Variants in AUTS2 observed in about 807,000 individuals in gnomAD.
The protein encoded by AUTS2 is activator of transcription and developmental regulator AUTS2, also known as autism susceptibility gene 2 protein.
AUTS2 carries 17 observed loss-of-function variants against 112.4 expected under a neutral mutation model. That is an observed-to-expected ratio of 0.15 (90% CI 0.10 to 0.23). The LOEUF (loss-of-function observed/expected upper bound fraction) is 0.23. Ranked by LOEUF, AUTS2 falls within the 10% of genes least tolerant of loss-of-function variation. The probability of loss-of-function intolerance (pLI) is 1.00; values close to 1 mark genes in which losing one functional copy is unlikely to be tolerated. For synonymous variants in AUTS2, 751 were observed against 702.7 expected (o/e 1.07, Z -1.09); for missense variants, 1,510 against 1,701.6 (o/e 0.89, Z 1.98).
chr7:69,928,654 A>G (rs1796117828), intron 2 of AUTS2, among the ~76,000 whole-genome samples: 1 of 152,138 alleles, frequency 6.6e-6, no homozygotes, highest in Non-Finnish European at 1.5e-5. Flanking sequence ...TGCATTAGGC[A>G]CCGAGAGAGC....
At chr7:70,658,702 G>C (rs1186638054) in intron 5 of AUTS2, among the ~76,000 whole-genome samples, 2 of 152,184 alleles carry the variant, frequency 1.3e-5, no homozygotes, top group Admixed American at 1.3e-4. Flanking sequence ...TTTCTCTACA[G>C]TTTAGTACGG....
intron 1 of AUTS2, among the ~76,000 whole-genome samples, chr7:69,687,938 T>A (rs948279468): frequency 6.6e-6 from 1 of 152,212 alleles, no homozygotes; most frequent in Admixed American, 6.5e-5. Context: ...GGACTATTTA[T>A]GTGTCAAATT....
At chr7:70,400,536 G>A (rs143016248) in intron 4 of AUTS2, among the ~76,000 whole-genome samples, 81 of 152,294 alleles carry the variant, frequency 5.3e-4, no homozygotes, top group Non-Finnish European at 9.1e-4. Flanking sequence ...GAAGATGTGA[G>A]CAGTCAGGAT....
chr7:70,262,640 A>G (rs913656011), intron 4 of AUTS2, among the ~76,000 whole-genome samples: 6 of 152,250 alleles, frequency 3.9e-5, no homozygotes, highest in African/African-American at 7.2e-5. Flanking sequence ...AATGGTAGCA[A>G]TACAATTTAT....
chr7:70,004,723 A>G (rs1475213050), intron 2 of AUTS2, among the ~76,000 whole-genome samples: 1 of 151,814 alleles, frequency 6.6e-6, no homozygotes, highest in Non-Finnish European at 1.5e-5. Flanking sequence ...GGGAAAAAAA[A>G]TTACTTCATT....
At chr7:70,027,610 T>C (rs1303084331) in intron 2 of AUTS2, among the ~76,000 whole-genome samples, 1 of 152,194 alleles carries the variant, frequency 6.6e-6, no homozygotes, top group African/African-American at 2.4e-5. Flanking sequence ...TCAAAAACAT[T>C]GTACTGGTTT....
intron 1 of AUTS2, among the ~76,000 whole-genome samples, chr7:69,709,775 G>A (rs1198286475): frequency 6.6e-6 from 1 of 152,186 alleles, no homozygotes; most frequent in Non-Finnish European, 1.5e-5. Context: ...TATGGGAGGA[G>A]TGTGGAGGAG....
chr7:70,226,214 G>A (rs1811755191), intron 4 of AUTS2, among the ~76,000 whole-genome samples: 2 of 152,040 alleles, frequency 1.3e-5, no homozygotes, highest in African/African-American at 4.8e-5. Context: ...TTGAGAGGGA[G>A]TCTCACTCTG....
intron 5 of AUTS2, among the ~76,000 whole-genome samples, chr7:70,511,918 A>G (rs71549355): frequency 0.056 from 8,530 of 152,106 alleles, 292 homozygotes; most frequent in Middle Eastern, 0.13. Context: ...TTCACTCTTC[A>G]AAGTGTCCTG....
In AUTS2 at chr7:70,614,787, C is replaced by T. The variant is rs200849869; in HGVS notation, c.691-83782C>T. On this transcript the variant is annotated intron_variant, in intron 5 of 18. Transcript: ENST00000342771. ...ACTGGTAATCTGTGCTTACAGCCTC[C>T]CCCCTGGGGAGAAAGCCTAGCCAGC... 5.3e-5 allele frequency among the ~76,000 whole-genome samples: 8 copies of T among 152,202 alleles called. No homozygotes were observed. The East Asian group carries it at 1.2e-3, about 22-fold the overall frequency.
intron 2 of AUTS2, among the ~76,000 whole-genome samples, chr7:70,110,568 C>T (rs934985893): frequency 6.6e-6 from 1 of 152,086 alleles, no homozygotes; most frequent in Non-Finnish European, 1.5e-5. Flanking sequence ...CTTAGTTTTT[C>T]TACTGCTATG....
chr7:70,322,592 A>G (rs1297638162), intron 4 of AUTS2, among the ~76,000 whole-genome samples: 3 of 152,204 alleles, frequency 2.0e-5, no homozygotes, highest in African/African-American at 7.2e-5. Context: ...TGTTGTTTCA[A>G]TTTTATGGCC....
intron 5 of AUTS2, among the ~76,000 whole-genome samples, chr7:70,576,176 A>C (rs558749347): frequency 7.0e-4 from 106 of 152,288 alleles, no homozygotes; most frequent in African/African-American, 2.5e-3. Context: ...CACCAACACC[A>C]GTGCACTGGG....
chr7:70,730,759 T>C (rs986658223), intron 6 of AUTS2, among the ~76,000 whole-genome samples: 3 of 152,204 alleles, frequency 2.0e-5, no homozygotes, highest in African/African-American at 7.2e-5. Context: ...TCATTTCAGG[T>C]ATGTACCTAA....
chr7:70,061,284 A>C (rs1391740250), intron 2 of AUTS2, among the ~76,000 whole-genome samples: 1 of 152,230 alleles, frequency 6.6e-6, no homozygotes, highest in Non-Finnish European at 1.5e-5. Context: ...CCTGGCATAC[A>C]TGGAAGGTGC....
intron 4 of AUTS2, among the ~76,000 whole-genome samples, chr7:70,392,083 A>G (rs928402885): frequency 3.5e-4 from 53 of 152,196 alleles, no homozygotes; most frequent in African/African-American, 1.3e-3. Flanking sequence ...AACGGGTTAG[A>G]TAACTCATAG....
At chr7:69,923,294 T>C (rs1250461783) in intron 2 of AUTS2, among the ~76,000 whole-genome samples, 1 of 152,220 alleles carries the variant, frequency 6.6e-6, no homozygotes, top group Non-Finnish European at 1.5e-5. Context: ...GTTGTCCATG[T>C]ATGTGTGAGT....
intron 1 of AUTS2, among the ~76,000 whole-genome samples, chr7:69,669,733 CT>C (rs140398759): frequency 2.6e-5 from 4 of 151,476 alleles, no homozygotes; most frequent in South Asian, 2.1e-4. Context: ...AACAATTTCA[CT>C]TTTTTTTTCC....
At chr7:70,187,451 G>A (rs1487246225) in intron 4 of AUTS2, among the ~76,000 whole-genome samples, 2 of 151,996 alleles carry the variant, frequency 1.3e-5, no homozygotes, top group African/African-American at 4.8e-5. Flanking sequence ...ATTTTTTTCA[G>A]TAAGTCTTGC....
Sources: gnomAD v4.1 joint callset for allele counts (sites outside exome capture counted in the v4.1 genomes callset) on GRCh38, gnomAD v4.1.1 for gene constraint, MANE v1.5 for transcripts, NCBI Gene and HGNC (gene_info 2026-07-23, HGNC 2026-07-21) for gene names.